Variants in CDH18 observed in about 807,000 individuals in gnomAD.
CDH18 encodes cadherin 18.
A neutral mutation model predicts 67.9 loss-of-function variants in CDH18; 31 were observed. That is an observed-to-expected ratio of 0.46 (90% CI 0.34 to 0.62). CDH18 has a LOEUF of 0.62. Among genes scored for constraint, CDH18 ranks in the 20% least tolerant of loss-of-function variants. CDH18 has a pLI of 0.01. For synonymous variants in CDH18, 362 were observed against 347.2 expected, an observed-to-expected ratio of 1.04 and a Z score of -0.48; for missense variants, 890 against 975.5, an observed-to-expected ratio of 0.91 and a Z score of 1.17.
At chr5:20,095,448 G>GAA (rs1423942685) in intron 2 of CDH18, among the ~76,000 whole-genome samples, 1 of 83,568 alleles carries the variant, frequency 1.2e-5, no homozygotes, top group African/African-American at 4.6e-5. Context: ...AGAAAGAAAA[G>GAA]AAAGAAAGAA....
chr5:19,902,291 A>G (rs1338067985), intron 2 of CDH18, among the ~76,000 whole-genome samples: 2 of 152,152 alleles, frequency 1.3e-5, no homozygotes, highest in South Asian at 2.1e-4. Context: ...ACTCCATTTT[A>G]ATAAGAGAAT....
intron 2 of CDH18, among the ~76,000 whole-genome samples, chr5:20,225,025 A>G (rs925567669): frequency 1.3e-5 from 2 of 152,074 alleles, no homozygotes; most frequent in Non-Finnish European, 2.9e-5. Context: ...TTAAACGTGC[A>G]AAGTAAAGTG....
At chr5:19,805,796 T>C (rs1460036052) in intron 3 of CDH18, among the ~76,000 whole-genome samples, 2 of 152,166 alleles carry the variant, frequency 1.3e-5, no homozygotes, top group African/African-American at 4.8e-5. Context: ...TTCTCTCAAT[T>C]TCTTCTACAA....
At chr5:19,773,799 T>A (rs1342532340) in intron 3 of CDH18, among the ~76,000 whole-genome samples, 4 of 151,864 alleles carry the variant, frequency 2.6e-5, no homozygotes, top group Non-Finnish European at 5.9e-5. Flanking sequence ...AAATGAGACA[T>A]CAGAAAATAA....
At position 20,172,223 on chromosome 5, in the gene CDH18, T is replaced by TATACAC. The variant is rs1554098639; in HGVS notation, c.-518+83220_-518+83221insGTGTAT. ...ATATATATATATATATATATATATA[T>TATACAC]GTATATATATATATATGTATATATA... On this transcript the variant is annotated intron_variant, in intron 2 of 14. Transcript: ENST00000507958. 1.2e-3 allele frequency among the ~76,000 whole-genome samples: 51 copies of TATACAC among 43,910 alleles called. 2 individuals carry two copies. The highest frequency in any genetic ancestry group is 1.5e-3 in the Non-Finnish European group (37 of 25,038). The allele number at this position is 43,910 out of a possible 152,430, so 28.8% of individuals were successfully genotyped here.
At chr5:19,969,424 G>C (rs1051683231) in intron 2 of CDH18, among the ~76,000 whole-genome samples, 11 of 150,666 alleles carry the variant, frequency 7.3e-5, no homozygotes, top group Non-Finnish European at 1.3e-4. Context: ...ATTCCCAATA[G>C]CAAAGACTTG....
chr5:20,045,343 G>A (rs922708965), intron 2 of CDH18, among the ~76,000 whole-genome samples: 3 of 152,076 alleles, frequency 2.0e-5, no homozygotes, highest in African/African-American at 7.2e-5. Flanking sequence ...CCACATCAGT[G>A]TTTGTCTTTG....
Position 19,671,823 on chromosome 5 carries a change from T to C in CDH18, c.643+49524A>G, listed in dbSNP as rs114688089. Among the ~76,000 whole-genome samples the C allele has an allele frequency of 3.8e-3, 585 of 152,228 alleles. 3 individuals carry two copies. Among genetic ancestry groups the C allele is most frequent in the African/African-American group, 0.013 (557 of 41,556 alleles). On this transcript the variant is annotated intron_variant, in intron 5 of 12. Transcript: ENST00000382275. Reference sequence around the variant, plus strand: ...AAAGACCTAGAAATGGCTATTCATCTAGCCCAATTCATAAGGCAGGCCAAA... The same window carrying C: ...AAAGACCTAGAAATGGCTATTCATCCAGCCCAATTCATAAGGCAGGCCAAA...
intron 7 of CDH18, among the ~76,000 whole-genome samples, chr5:19,576,732 A>T (rs1044524576): frequency 3.9e-5 from 6 of 152,166 alleles, no homozygotes; most frequent in Admixed American, 6.5e-5. Context: ...CAATCCCCTG[A>T]CTGGGTATAT....
chr5:19,784,401 A>T (rs2149791288), intron 3 of CDH18, among the ~76,000 whole-genome samples: 1 of 152,326 alleles, frequency 6.6e-6, no homozygotes, highest in East Asian at 1.9e-4. Flanking sequence ...GATATTGGGC[A>T]TGTTGAGACA....
intron 2 of CDH18, among the ~76,000 whole-genome samples, chr5:20,066,955 A>C (rs934997183): frequency 2.0e-5 from 3 of 151,914 alleles, no homozygotes; most frequent in African/African-American, 7.2e-5. Flanking sequence ...CCAGCCCTCC[A>C]TATCCATGGA....
chr5:19,607,786 T>C (rs1301406545), intron 6 of CDH18, among the ~76,000 whole-genome samples: 1 of 151,158 alleles, frequency 6.6e-6, no homozygotes, highest in Non-Finnish European at 1.5e-5. Context: ...AGTTTGAAAG[T>C]ACAATTATAG....
chr5:20,306,111 A>T (rs1736428112), intron 1 of CDH18, among the ~76,000 whole-genome samples: 1 of 152,152 alleles, frequency 6.6e-6, no homozygotes, highest in Non-Finnish European at 1.5e-5. Context: ...TGCTTCCTCA[A>T]ATTCTATCCA....
chr5:19,731,232 G>A lies in CDH18; in HGVS notation c.524-9766C>T, dbSNP rs1261849133. Among the ~76,000 whole-genome samples the A allele has an allele frequency of 2.5e-4, 38 of 152,050 alleles. 1 individual carries two copies. Among genetic ancestry groups the A allele is most frequent in the African/African-American group, 2.2e-4 (9 of 41,412 alleles). On this transcript the variant is annotated intron_variant, in intron 4 of 12. Transcript: ENST00000382275. The stretch of plus-strand genomic sequence containing the variant: ...TGGGAGGCCGAGACGGGTGGATCAC[G>A]AGGTCAGAAGATCGAGACCATACTG...
intron 7 of CDH18, among the ~76,000 whole-genome samples, chr5:19,581,281 A>G (rs1743208545): frequency 1.3e-5 from 2 of 151,962 alleles, no homozygotes; most frequent in South Asian, 4.1e-4. Context: ...ACTTTTACAT[A>G]TCATTGCTCT....
intron 2 of CDH18, among the ~76,000 whole-genome samples, chr5:19,889,980 T>C (rs1788614859): frequency 6.6e-6 from 1 of 152,156 alleles, no homozygotes. Context: ...CTAAGAATCT[T>C]CTGAAGATGA....
chr5:20,567,164 A>T (rs946898341), intron 1 of CDH18, among the ~76,000 whole-genome samples: 1 of 152,216 alleles, frequency 6.6e-6, no homozygotes. Flanking sequence ...TTGAAAATAA[A>T]GAAGGAAACA....
In CDH18 at chr5:19,862,512, G is replaced by A. The variant is rs114530854; in HGVS notation, c.-256-23270C>T. On this transcript the variant is annotated intron_variant, in intron 2 of 12. Transcript: ENST00000382275. Reference sequence around the variant, plus strand: ...ATACTATCCCACCAGAGGTAAAATCGTAATGTTACATTTTACTGAAGGTCA... The same window carrying A: ...ATACTATCCCACCAGAGGTAAAATCATAATGTTACATTTTACTGAAGGTCA... Among the ~76,000 whole-genome samples, 862 of 152,184 alleles carry A rather than the reference G, an allele frequency of 5.7e-3. 11 individuals are homozygous for A. Among genetic ancestry groups the A allele is most frequent in the African/African-American group, 0.02 (815 of 41,526 alleles).
intron 1 of CDH18, among the ~76,000 whole-genome samples, chr5:20,321,817 A>C (rs1338478951): frequency 6.6e-6 from 1 of 152,160 alleles, no homozygotes; most frequent in African/African-American, 2.4e-5. Flanking sequence ...CATTACTAGA[A>C]ACTTTTAAAG....
Sources: gnomAD v4.1 joint callset for allele counts (sites outside exome capture counted in the v4.1 genomes callset) on GRCh38, gnomAD v4.1.1 for gene constraint, MANE v1.5 for transcripts, NCBI Gene and HGNC (gene_info 2026-07-23, HGNC 2026-07-21) for gene names.